Variants in ATP2C2 observed in about 807,000 individuals in gnomAD.
The protein encoded by ATP2C2 is ATPase secretory pathway Ca2+ transporting 2, also known as calcium-transporting ATPase type 2C member 2.
ATP2C2 carries 171 observed loss-of-function variants against 110.8 expected under a neutral mutation model. That is an observed-to-expected ratio of 1.54 (90% CI 1.36 to 1.75). The LOEUF (loss-of-function observed/expected upper bound fraction) is 1.75, where lower values mean the gene tolerates loss of function less well. ATP2C2 is among the 40% of genes most tolerant of loss of function. The pLI, the probability that ATP2C2 is intolerant of heterozygous loss-of-function variation, is 0.00. For missense variants in ATP2C2, 1,963 were observed against 1,235.0 expected (o/e 1.59, Z -8.84); for synonymous variants, 804 against 508.4 (o/e 1.58, Z -7.82).
intron 6 of ATP2C2, among the ~76,000 whole-genome samples, chr16:84,412,524 G>A (rs1429697766): frequency 1.3e-5 from 2 of 148,728 alleles, no homozygotes; most frequent in Non-Finnish European, 3.0e-5. Flanking sequence ...GTGTCTGTGT[G>A]TGCATGTGTC....
In ATP2C2 at chr16:84,446,322, A is replaced by G. The variant is rs1909743241; in HGVS notation, c.1402-7A>G. The G allele has an allele frequency of 6.5e-7, 1 of 1,532,406 alleles. No homozygotes were observed. The highest frequency in any genetic ancestry group is 1.2e-5 in the South Asian group (1 of 83,850). The allele number at this position is 1,532,406 out of a possible 1,614,324, so 94.9% of individuals were successfully genotyped here. ...CTCACTAAAAATGTGTCATTTTATTATGCTAGATGGACTTAAGTGATATTA... is the reference window on the plus strand; with the variant it reads ...CTCACTAAAAATGTGTCATTTTATTGTGCTAGATGGACTTAAGTGATATTA... On this transcript the variant is annotated splice_region_variant and splice_polypyrimidine_tract_variant and intron_variant, in intron 15 of 26. Transcript: ENST00000262429.
intron 17 of ATP2C2, 30 bp downstream of exon 17, chr16:84,448,719 TTAAGCTTGCATG>T (rs748394770): frequency 6.3e-7 from 1 of 1,589,664 alleles, no homozygotes; most frequent in South Asian, 1.1e-5. Context: ...GCCCAGAGCT[TTAAGCTTGCATG>T]TAACATTGAC....
At chr16:84,435,467 C>A (rs532781703) in intron 11 of ATP2C2, among the ~76,000 whole-genome samples, 1 of 152,214 alleles carries the variant, frequency 6.6e-6, no homozygotes, top group Non-Finnish European at 1.5e-5. Context: ...ATACCCCCTT[C>A]TTCATGCAGC....
intron 15 of ATP2C2, among the ~76,000 whole-genome samples, chr16:84,443,948 T>C (rs1310437800): frequency 6.6e-6 from 1 of 152,112 alleles, no homozygotes; most frequent in Non-Finnish European, 1.5e-5. Flanking sequence ...GGGAGGATCA[T>C]TTGAGGCCAA....
intron 11 of ATP2C2, among the ~76,000 whole-genome samples, chr16:84,434,454 G>T (rs1270349115): frequency 6.6e-6 from 1 of 151,860 alleles, no homozygotes; most frequent in South Asian, 2.1e-4. Flanking sequence ...TTCCCTATAT[G>T]TTAAGTGACA....
In ATP2C2 at chr16:84,410,746, G is replaced by C; in HGVS notation, c.496G>C (p.Val166Leu). 6.2e-7 allele frequency: 1 copy of C among 1,614,168 alleles called. No homozygotes were observed. The highest frequency in any genetic ancestry group is 8.5e-7 in the Non-Finnish European group (1 of 1,180,014). Residue 166 changes from valine (V) to leucine (L), a missense_variant, in exon 6 of 27, where the codon GTT becomes CTT. By Grantham distance (32) the Val-to-Leu change is conservative. Transcript: ENST00000262429. ...EKSLEELTKLVPPECNCLREG... is the reference protein window; with the variant it reads ...EKSLEELTKLLPPECNCLREG... Reference sequence around the variant, plus strand: ...ATCTCTGGAAGAGCTGACCAAGCTGGTTCCTCCAGAATGTAACTGGTAAGT... The same window carrying C: ...ATCTCTGGAAGAGCTGACCAAGCTGCTTCCTCCAGAATGTAACTGGTAAGT...
chr16:84,400,083 C>G (rs1262987791), intron 2 of ATP2C2, among the ~76,000 whole-genome samples: 1 of 152,168 alleles, frequency 6.6e-6, no homozygotes, highest in Non-Finnish European at 1.5e-5. Context: ...CATGTTGTTG[C>G]AAATGACAGG....
chr16:84,405,509 C>T (rs927964700), intron 3 of ATP2C2, among the ~76,000 whole-genome samples: 4 of 151,850 alleles, frequency 2.6e-5, no homozygotes, highest in African/African-American at 4.8e-5. Context: ...TAAGCATGCG[C>T]TTACTAATCC....
chr16:84,411,993 C>G (rs1427456340), intron 6 of ATP2C2, among the ~76,000 whole-genome samples: 3 of 136,642 alleles, frequency 2.2e-5, no homozygotes, highest in Non-Finnish European at 4.8e-5. Flanking sequence ...TCCTTTCTTC[C>G]TTTCTTTCTT....
chr16:84,408,288 G>C (rs1905955499), intron 3 of ATP2C2, 117 bp from the exon 4 acceptor site: 3 of 952,644 alleles, frequency 3.1e-6, no homozygotes, highest in Non-Finnish European at 4.9e-6. Flanking sequence ...CCATGGTGTT[G>C]ACCTGGAAGC....
intron 23 of ATP2C2, 182 bp from the exon 24 acceptor site, chr16:84,460,472 C>A: frequency 2.4e-6 from 2 of 819,480 alleles, no homozygotes; most frequent in Non-Finnish European, 4.0e-6. Flanking sequence ...GCCCATGGAC[C>A]CAGGCTCTGG....
chr16:84,371,834 C>G (rs556827266), intron 1 of ATP2C2, among the ~76,000 whole-genome samples: 2 of 152,258 alleles, frequency 1.3e-5, no homozygotes, highest in African/African-American at 4.8e-5. Context: ...GGAGGGGGCT[C>G]CCTCTGTGTG....
Position 84,451,870 on chromosome 16 carries a change from G to A in ATP2C2, c.1661-51G>A, listed in dbSNP as rs375360871. 4.2e-5 allele frequency: 65 copies of A among 1,538,776 alleles called. No homozygotes were observed. In the African/African-American group the frequency reaches 6.7e-4, roughly 16 times the overall value. ...ACAACAACAACCAACAACAAAAAAC[G>A]ACGGCCCCTAAGCCCCCGGTGACCC... On this transcript the variant is annotated intron_variant, in intron 17 of 26. Transcript: ENST00000262429.
intron 1 of ATP2C2, among the ~76,000 whole-genome samples, chr16:84,383,129 C>A (rs1030783984): frequency 3.3e-5 from 5 of 152,192 alleles, no homozygotes; most frequent in African/African-American, 9.7e-5. Flanking sequence ...ATCTTGGGCA[C>A]AGCTCAGTGG....
At chr16:84,404,015 C>G (rs1250019231) in intron 2 of ATP2C2, among the ~76,000 whole-genome samples, 1 of 152,274 alleles carries the variant, frequency 6.6e-6, no homozygotes, top group East Asian at 1.9e-4. Context: ...GCAAAGGATA[C>G]CGATGAAGAG....
chr16:84,416,771 G>T (rs1048324990), intron 7 of ATP2C2, among the ~76,000 whole-genome samples: 1 of 152,158 alleles, frequency 6.6e-6, no homozygotes, highest in Non-Finnish European at 1.5e-5. Flanking sequence ...GCCTCTCCCC[G>T]TGTTCAGCTC....
intron 11 of ATP2C2, 61 bp downstream of exon 11, chr16:84,425,862 C>T: frequency 3.2e-6 from 5 of 1,569,472 alleles, no homozygotes; most frequent in Middle Eastern, 1.7e-4. Context: ...TGAGCCCTTC[C>T]CTGCCGCAAG....
chr16:84,448,890 A>G (rs1456880278), intron 17 of ATP2C2, among the ~76,000 whole-genome samples: 1 of 151,662 alleles, frequency 6.6e-6, no homozygotes, highest in Non-Finnish European at 1.5e-5. Context: ...TTCCTTAGTG[A>G]CCCCCATTAA....
chr16:84,434,924 T>C (rs1328048270), intron 11 of ATP2C2, among the ~76,000 whole-genome samples: 1 of 152,252 alleles, frequency 6.6e-6, no homozygotes, highest in African/African-American at 2.4e-5. Context: ...GTCCCCGTCG[T>C]AACCCTCCAC....
Sources: allele counts gnomAD v4.1 joint callset (sites outside exome capture counted in the v4.1 genomes callset), GRCh38; gene constraint gnomAD v4.1.1; transcripts MANE v1.5; gene names NCBI Gene and HGNC (gene_info 2026-07-23, HGNC 2026-07-21).